ANO10: variants seen among roughly 807,000 people sequenced by gnomAD.
ANO10 encodes anoctamin 10.
In ANO10, 77 loss-of-function variants were observed where a neutral mutation model predicts 74.7. The observed-to-expected ratio is 1.03, with a 90% CI of 0.86 to 1.25. The LOEUF (loss-of-function observed/expected upper bound fraction) is 1.25, where lower values mean the gene tolerates loss of function less well. Among genes scored for constraint, ANO10 ranks in the 50% most tolerant of loss-of-function variants. The pLI is 0.00. For missense variants in ANO10, 721 were observed against 778.1 expected, an observed-to-expected ratio of 0.93 and a Z score of 0.87; for synonymous variants, 279 against 284.9, an observed-to-expected ratio of 0.98 and a Z score of 0.21.
chr3:43,559,500 A>G (rs1317438649), intron 9 of ANO10, among the ~76,000 whole-genome samples: 1 of 152,218 alleles, frequency 6.6e-6, no homozygotes, highest in Non-Finnish European at 1.5e-5. Flanking sequence ...GAAAGACAGG[A>G]TAAAAACAGC....
intron 10 of ANO10, among the ~76,000 whole-genome samples, chr3:43,553,261 A>G (rs1051653219): frequency 5.9e-5 from 9 of 152,112 alleles, no homozygotes; most frequent in Non-Finnish European, 8.8e-5. Context: ...TTAGCTTTCA[A>G]GTGTTTACGA....
chr3:43,379,790 C>T (rs1359000487), intron 12 of ANO10, among the ~76,000 whole-genome samples: 1 of 152,094 alleles, frequency 6.6e-6, no homozygotes, highest in Non-Finnish European at 1.5e-5. Flanking sequence ...TTAACACCCC[C>T]AAAAGATCAC....
intron 11 of ANO10, among the ~76,000 whole-genome samples, chr3:43,444,567 C>T (rs910620803): frequency 7.9e-5 from 12 of 152,174 alleles, no homozygotes; most frequent in African/African-American, 1.7e-4. Context: ...ACTTCATTTA[C>T]TTTAATTGTA....
upstream of ANO10, among the ~76,000 whole-genome samples, chr3:43,626,726 T>C (rs1431172545): frequency 6.6e-6 from 1 of 152,224 alleles, no homozygotes; most frequent in East Asian, 1.9e-4. Context: ...ATAATCCGTA[T>C]TTCCCCTACT....
intron 11 of ANO10, among the ~76,000 whole-genome samples, chr3:43,435,086 CA>C (rs2093047066): frequency 1.3e-5 from 2 of 152,226 alleles, no homozygotes; most frequent in African/African-American, 4.8e-5. Flanking sequence ...AAATGAATTA[CA>C]TATGCCCTGC....
rs375228722 is a variant in ANO10 at position 43,507,112 on chromosome 3, G to A, written c.1797+42608C>T. The stretch of plus-strand genomic sequence containing the variant: ...AGTCCTGTCAGTTTCATAAGAAAAA[G>A]GTGCTTTTTGTTAGCAGGTTTGGTA... On this transcript the variant is annotated intron_variant, in intron 11 of 12. Transcript: ENST00000292246. Among the ~76,000 whole-genome samples the A allele has an allele frequency of 1.2e-4, 19 of 152,240 alleles. No individual in the cohort carries two copies. In the East Asian group the frequency reaches 1.7e-3, roughly 14 times the overall value.
intron 1 of ANO10, among the ~76,000 whole-genome samples, chr3:43,612,141 TATATA>T (rs2082854001): frequency 1.8e-4 from 1 of 5,532 alleles, no homozygotes; most frequent in Non-Finnish European, 3.7e-4. Flanking sequence ...TTAAATATTT[TATATA>T]TATATATATA....
chr3:43,626,202 G>A (rs10461015), upstream of ANO10, among the ~76,000 whole-genome samples: 67,747 of 151,886 alleles, frequency 0.45, 17,951 homozygotes, highest in East Asian at 0.77. Context: ...TCAAAGGGCT[G>A]GGATTACAGG....
chr3:43,375,782 C>G (rs1042324151), intron 12 of ANO10, among the ~76,000 whole-genome samples: 2 of 137,178 alleles, frequency 1.5e-5, no homozygotes, highest in African/African-American at 5.0e-5. Context: ...CCATGGCAAG[C>G]CACAGGAGCC....
intron 11 of ANO10, chr3:43,485,795 T>C (rs1478185960): frequency 1.1e-5 from 3 of 265,674 alleles, no homozygotes; most frequent in South Asian, 3.7e-5. Context: ...GATTTGCATG[T>C]GGTAGTGGGG....
chr3:43,590,266 A>T (rs2081669353), intron 4 of ANO10, among the ~76,000 whole-genome samples: 1 of 152,204 alleles, frequency 6.6e-6, no homozygotes, highest in African/African-American at 2.4e-5. Context: ...TAAATACTAC[A>T]TCTTACTTAC....
intron 1 of ANO10, among the ~76,000 whole-genome samples, chr3:43,668,103 T>C (rs1171992963): frequency 6.6e-6 from 1 of 152,200 alleles, no homozygotes; most frequent in African/African-American, 2.4e-5. Context: ...CTATTGTTTT[T>C]TGACTTTTTT....
intron 12 of ANO10, among the ~76,000 whole-genome samples, chr3:43,420,697 T>C (rs570741843): frequency 6.6e-6 from 1 of 152,190 alleles, no homozygotes; most frequent in African/African-American, 2.4e-5. Flanking sequence ...TACCCAACTA[T>C]AACACACACA....
chr3:43,689,045 G>A (rs2084314900), intron 1 of ANO10, among the ~76,000 whole-genome samples: 1 of 152,024 alleles, frequency 6.6e-6, no homozygotes, highest in Non-Finnish European at 1.5e-5. Context: ...TGAGGGGTAG[G>A]TGCCATACAC....
intron 1 of ANO10, among the ~76,000 whole-genome samples, chr3:43,680,508 G>C (rs907896397): frequency 1.3e-5 from 2 of 152,174 alleles, no homozygotes; most frequent in African/African-American, 4.8e-5. Context: ...AAAACACTCG[G>C]CAGGATATTA....
At chr3:43,563,479 A>C (rs2080153600) in intron 8 of ANO10, among the ~76,000 whole-genome samples, 1 of 150,354 alleles carries the variant, frequency 6.7e-6, no homozygotes, top group Non-Finnish European at 1.5e-5. Context: ...CAACCATAGA[A>C]TCCAGCATTC....
chr3:43,436,592 G>A (rs1276915738), intron 11 of ANO10, among the ~76,000 whole-genome samples: 1 of 152,152 alleles, frequency 6.6e-6, no homozygotes, highest in Non-Finnish European at 1.5e-5. Context: ...GGGTGTCTGA[G>A]TTGGGAAAGG....
chr3:43,679,684 A>T (rs1343727008), intron 1 of ANO10, among the ~76,000 whole-genome samples: 1 of 152,228 alleles, frequency 6.6e-6, no homozygotes, highest in East Asian at 1.9e-4. Context: ...ACTGGGAGGC[A>T]TCCCCCAGTA....
At chr3:43,552,809 T>C (rs1172377547) in intron 10 of ANO10, among the ~76,000 whole-genome samples, 1 of 151,526 alleles carries the variant, frequency 6.6e-6, no homozygotes, top group Non-Finnish European at 1.5e-5. Flanking sequence ...TATTTTCTTT[T>C]TGAGATGGAG....
Sources: allele counts gnomAD v4.1 joint callset (sites outside exome capture counted in the v4.1 genomes callset), GRCh38; gene constraint gnomAD v4.1.1; transcripts MANE v1.5; gene names NCBI Gene and HGNC (gene_info 2026-07-23, HGNC 2026-07-21).